Variants in MALRD1 observed in about 807,000 individuals in gnomAD.
The protein encoded by MALRD1 is MAM and LDL-receptor class A domain-containing protein 1.
A neutral mutation model predicts 242.1 loss-of-function variants in MALRD1; 247 were observed. The ratio of observed to expected loss-of-function variants is 1.02; its 90% CI spans 0.92 to 1.13. The LOEUF is 1.13. Among genes scored for constraint, MALRD1 ranks in the 50% most tolerant of loss-of-function variants. The pLI is 0.00. For missense variants in MALRD1, 2,989 were observed against 2,533.1 expected (o/e 1.18, Z -3.86); for synonymous variants, 995 against 866.6 (o/e 1.15, Z -2.60).
rs75090476 is a variant in MALRD1, at chr10:19,061,903, A to G, written c.200-4816A>G. 5.9e-5 allele frequency among the ~76,000 whole-genome samples: 9 copies of G among 152,348 alleles called. No individual in the cohort carries two copies. The East Asian group carries it at 1.5e-3, about 26-fold the overall frequency. ...TTATTCAATATGACACCAACAGCACAGGCAACAAAACAGATACATTGACTT... is the reference window on the plus strand; with the variant it reads ...TTATTCAATATGACACCAACAGCACGGGCAACAAAACAGATACATTGACTT... On this transcript the variant is annotated intron_variant, in intron 1 of 39. Transcript: ENST00000454679.
chr10:19,317,989 A>G (rs1156506642), intron 21 of MALRD1, among the ~76,000 whole-genome samples: 1 of 152,156 alleles, frequency 6.6e-6, no homozygotes, highest in Admixed American at 6.6e-5. Flanking sequence ...TTAGAAAAAG[A>G]TATGCTTCTA....
rs34117417 is a variant in MALRD1 at position 19,235,578 on chromosome 10, CAGAG to C, written c.2992-22073_2992-22070del. 5.3e-3 allele frequency among the ~76,000 whole-genome samples: 705 copies of C among 132,468 alleles called. 5 individuals are homozygous for C. The highest frequency in any genetic ancestry group is 0.016 in the African/African-American group (560 of 34,214). The allele number at this position is 132,468 out of a possible 152,430, so 86.9% of individuals were successfully genotyped here. On this transcript the variant is annotated intron_variant, in intron 18 of 39. Transcript: ENST00000454679. Reference sequence around the variant, plus strand: ...ACACACACACCCACACCCACACCCACAGAGAGAGAGAGAGAGAGAGAGAGAGAGA... The same window carrying C: ...ACACACACACCCACACCCACACCCACAGAGAGAGAGAGAGAGAGAGAGAGA...
At chr10:19,181,144 G>A (rs11008821) in intron 14 of MALRD1, among the ~76,000 whole-genome samples, 45,741 of 151,918 alleles carry the variant, frequency 0.3, 7,211 homozygotes, top group Admixed American at 0.37. Flanking sequence ...TATGGAATAT[G>A]GTATGGAGGT....
At chr10:19,723,013 G>T (rs1834843029) in intron 38 of MALRD1, among the ~76,000 whole-genome samples, 1 of 152,106 alleles carries the variant, frequency 6.6e-6, no homozygotes, top group African/African-American at 2.4e-5. Context: ...TAAGAAAAAT[G>T]ATAAGTAACG....
chr10:19,662,856 G>A (rs1053104689), intron 36 of MALRD1, among the ~76,000 whole-genome samples: 1 of 152,160 alleles, frequency 6.6e-6, no homozygotes, highest in Non-Finnish European at 1.5e-5. Context: ...GGATGTGGAG[G>A]CCAAGAATTT....
chr10:19,614,890 G>A (rs1269911634), intron 35 of MALRD1, among the ~76,000 whole-genome samples: 2 of 151,950 alleles, frequency 1.3e-5, no homozygotes, highest in African/African-American at 4.8e-5. Context: ...CATGACATGA[G>A]GACTGTTGTG....
intron 14 of MALRD1, among the ~76,000 whole-genome samples, chr10:19,196,620 C>G (rs1588683260): frequency 6.6e-6 from 1 of 151,466 alleles, no homozygotes; most frequent in South Asian, 2.1e-4. Context: ...GCCTAACCTC[C>G]TCATGTGAAC....
intron 33 of MALRD1, among the ~76,000 whole-genome samples, chr10:19,586,394 A>G (rs1003070907): frequency 6.6e-6 from 1 of 151,876 alleles, no homozygotes; most frequent in Non-Finnish European, 1.5e-5. Context: ...TGATGTACAG[A>G]TGGGTTTTTG....
At chr10:19,240,295 G>C (rs190749622) in intron 18 of MALRD1, among the ~76,000 whole-genome samples, 18 of 152,002 alleles carry the variant, frequency 1.2e-4, no homozygotes, top group Middle Eastern at 3.4e-3. Flanking sequence ...TTCACTATTA[G>C]TGTATAGAAA....
intron 35 of MALRD1, among the ~76,000 whole-genome samples, chr10:19,608,883 C>T (rs1001349392): frequency 7.9e-5 from 12 of 152,064 alleles, no homozygotes; most frequent in Non-Finnish European, 1.5e-4. Context: ...GTCACTTTCT[C>T]TGCACTCAGA....
chr10:19,206,882 C>G (rs1045180484), intron 17 of MALRD1, among the ~76,000 whole-genome samples: 4 of 152,146 alleles, frequency 2.6e-5, no homozygotes, highest in African/African-American at 9.7e-5. Flanking sequence ...ACCTTCTGCC[C>G]TACAGCCAAA....
chr10:19,471,894 C>G (rs1836518548), intron 29 of MALRD1, among the ~76,000 whole-genome samples: 1 of 151,776 alleles, frequency 6.6e-6, no homozygotes, highest in Non-Finnish European at 1.5e-5. Flanking sequence ...CTTTTTCTTT[C>G]AAATTTGGAT....
At chr10:19,358,195 AGTGTGTGTGT>A (rs776862926) in intron 26 of MALRD1, among the ~76,000 whole-genome samples, 12 of 145,682 alleles carry the variant, frequency 8.2e-5, no homozygotes, top group African/African-American at 2.9e-4. Context: ...GCAGGAGTCA[AGTGTGTGTGT>A]GTGTGTGTGT....
chr10:19,357,335 G>C (rs1369280688), intron 26 of MALRD1, among the ~76,000 whole-genome samples: 2 of 151,586 alleles, frequency 1.3e-5, no homozygotes, highest in African/African-American at 2.4e-5. Context: ...AACTGCCCAT[G>C]TAATTTACTT....
chr10:19,376,542 C>CATTTTTTTTTTTTTTTTTTTTTTTTTTT (rs1554842468), intron 26 of MALRD1, among the ~76,000 whole-genome samples: 6 of 94,992 alleles, frequency 6.3e-5, no homozygotes, highest in African/African-American at 1.2e-4. Context: ...TTGATACATT[C>CATTTTTTTTTTTTTTTTTTTTTTTTTTT]TTTTTTTTTT....
intron 19 of MALRD1, among the ~76,000 whole-genome samples, chr10:19,266,036 T>C (rs544520563): frequency 2.0e-5 from 3 of 151,964 alleles, no homozygotes; most frequent in Non-Finnish European, 4.4e-5. Flanking sequence ...CTTCCTGTGC[T>C]CTTTTCTGGT....
intron 19 of MALRD1, among the ~76,000 whole-genome samples, chr10:19,261,128 A>T (rs1839728014): frequency 6.6e-6 from 1 of 152,152 alleles, no homozygotes; most frequent in Non-Finnish European, 1.5e-5. Context: ...CACCATTGAA[A>T]CTATTGTTGC....
At chr10:19,440,986 T>C (rs57141304) in intron 28 of MALRD1, among the ~76,000 whole-genome samples, 8,450 of 150,614 alleles carry the variant, frequency 0.056, 807 homozygotes, top group African/African-American at 0.2. Context: ...CCTTTTTCTC[T>C]AGATCCTCTC....
chr10:19,584,248 A>T (rs1038516183), intron 33 of MALRD1, among the ~76,000 whole-genome samples: 1 of 151,312 alleles, frequency 6.6e-6, no homozygotes, highest in African/African-American at 2.4e-5. Flanking sequence ...GATTTTGGTT[A>T]TTTCTTGCCT....
Sources: gnomAD v4.1 joint callset for allele counts (sites outside exome capture counted in the v4.1 genomes callset) on GRCh38, gnomAD v4.1.1 for gene constraint, MANE v1.5 for transcripts, NCBI Gene and HGNC (gene_info 2026-07-23, HGNC 2026-07-21) for gene names.